The following ADAMTS17 variants were observed in gnomAD, a reference collection of about 807,000 sequenced individuals.
ADAMTS17 encodes the protein A disintegrin and metalloproteinase with thrombospondin motifs 17.
A neutral mutation model predicts 141.5 loss-of-function variants in ADAMTS17; 113 were observed. The ratio of observed to expected loss-of-function variants is 0.80; its 90% confidence interval spans 0.69 to 0.93. The LOEUF is 0.93. ADAMTS17 is among the 40% of genes least tolerant of loss of function. ADAMTS17 has a pLI of 0.00. For synonymous variants in ADAMTS17, 768 were observed against 630.6 expected, an observed-to-expected ratio of 1.22 and a Z score of -3.27; for missense variants, 1,659 against 1,517.9, an observed-to-expected ratio of 1.09 and a Z score of -1.54.
intron 7 of ADAMTS17, among the ~76,000 whole-genome samples, chr15:100,221,668 C>T (rs917849210): frequency 1.3e-5 from 2 of 152,178 alleles, no homozygotes; most frequent in Non-Finnish European, 2.9e-5. Context: ...CAAACTCCCA[C>T]GTCATTCTCA....
chr15:100,082,106 C>A (rs995006413), intron 15 of ADAMTS17, among the ~76,000 whole-genome samples: 19 of 152,164 alleles, frequency 1.2e-4, no homozygotes, highest in African/African-American at 4.1e-4. Flanking sequence ...GCTTCTGTTG[C>A]CCAGGCTGGA....
intron 3 of ADAMTS17, among the ~76,000 whole-genome samples, chr15:100,282,897 G>C (rs959289615): frequency 1.3e-5 from 2 of 152,086 alleles, no homozygotes; most frequent in East Asian, 3.9e-4. Context: ...TCATGATTTT[G>C]CAAAAATCTT....
At chr15:100,143,443 T>G (rs996875632) in intron 10 of ADAMTS17, among the ~76,000 whole-genome samples, 8 of 152,238 alleles carry the variant, frequency 5.3e-5, no homozygotes, top group Non-Finnish European at 1.2e-4. Flanking sequence ...TAAAGTTTAT[T>G]TCCCCTTTCT....
At chr15:100,032,158 C>T (rs1055621715) in intron 18 of ADAMTS17, among the ~76,000 whole-genome samples, 1 of 152,126 alleles carries the variant, frequency 6.6e-6, no homozygotes, top group Admixed American at 6.6e-5. Flanking sequence ...ACAGACGCAC[C>T]TCTCCTCCAT....
intron 7 of ADAMTS17, among the ~76,000 whole-genome samples, chr15:100,229,196 G>A (rs1435558968): frequency 6.6e-6 from 1 of 152,118 alleles, no homozygotes; most frequent in Non-Finnish European, 1.5e-5. Context: ...ACAGCTTTAA[G>A]TCCTGCACAA....
intron 3 of ADAMTS17, among the ~76,000 whole-genome samples, chr15:100,287,365 C>T (rs2044480333): frequency 6.6e-6 from 1 of 152,028 alleles, no homozygotes; most frequent in South Asian, 2.1e-4. Flanking sequence ...ATGAATAAAA[C>T]CTCAAGAAAT....
At chr15:100,285,956 C>T (rs2142099564) in intron 3 of ADAMTS17, among the ~76,000 whole-genome samples, 1 of 152,264 alleles carries the variant, frequency 6.6e-6, no homozygotes, top group Non-Finnish European at 1.5e-5. Context: ...ATGTGCCAGC[C>T]TCTCCTAGGG....
chr15:100,070,223 A>T (rs959350516), intron 15 of ADAMTS17, among the ~76,000 whole-genome samples: 6 of 148,820 alleles, frequency 4.0e-5, no homozygotes, highest in African/African-American at 1.5e-4. Context: ...CCAATACAGG[A>T]GCACCCAGAT....
intron 15 of ADAMTS17, chr15:100,063,622 G>A: frequency 7.8e-7 from 1 of 1,274,276 alleles, no homozygotes; most frequent in South Asian, 1.2e-5. Flanking sequence ...TTACCAGACT[G>A]ATCATCAAAA....
chr15:100,285,102 C>G (rs1350307590), intron 3 of ADAMTS17, among the ~76,000 whole-genome samples: 1 of 152,238 alleles, frequency 6.6e-6, no homozygotes, highest in African/African-American at 2.4e-5. Context: ...GGAGGTGGTA[C>G]TGACTTGGAA....
chr15:100,114,542 G>C (rs963455071), intron 13 of ADAMTS17, among the ~76,000 whole-genome samples: 9 of 152,168 alleles, frequency 5.9e-5, no homozygotes, highest in African/African-American at 1.9e-4. Context: ...TTCTACCCCA[G>C]AGCAGGACGT....
At chr15:100,069,375 T>C (rs2033801105) in intron 15 of ADAMTS17, among the ~76,000 whole-genome samples, 1 of 152,100 alleles carries the variant, frequency 6.6e-6, no homozygotes, top group South Asian at 2.1e-4. Flanking sequence ...AACACTCAAA[T>C]TCAGGAAATA....
At chr15:100,050,860 A>C (rs2141586127) in intron 17 of ADAMTS17, among the ~76,000 whole-genome samples, 1 of 152,268 alleles carries the variant, frequency 6.6e-6, no homozygotes, top group Non-Finnish European at 1.5e-5. Flanking sequence ...GACAAACAGC[A>C]CTGTACTAAG....
At chr15:99,977,401 A>ATATATATATATATAT (rs2060384375) in intron 20 of ADAMTS17, among the ~76,000 whole-genome samples, 1 of 5,154 alleles carries the variant, frequency 1.9e-4, no homozygotes, top group Non-Finnish European at 3.6e-4. Context: ...TATATATATA[A>ATATATATATATATAT]TTTTTTTTTT....
intron 8 of ADAMTS17, among the ~76,000 whole-genome samples, chr15:100,190,888 C>T (rs11639098): frequency 0.19 from 28,453 of 152,118 alleles, 2,873 homozygotes; most frequent in East Asian, 0.24. Flanking sequence ...GTTCTGTTCA[C>T]GTGTGGAAAG....
chr15:100,012,115 G>A (rs1199915543), intron 18 of ADAMTS17, among the ~76,000 whole-genome samples: 2 of 152,170 alleles, frequency 1.3e-5, no homozygotes, highest in Non-Finnish European at 2.9e-5. Context: ...TCGCATTGTG[G>A]TTTTGATTTG....
chr15:100,203,660 G>A (rs571827442), intron 7 of ADAMTS17, among the ~76,000 whole-genome samples: 22 of 152,240 alleles, frequency 1.4e-4, no homozygotes, highest in South Asian at 6.2e-4. Flanking sequence ...AGCCGAGATC[G>A]CGCCACTGCA....
intron 21 of ADAMTS17, 107 bp from the exon 22 acceptor site, chr15:99,974,669 C>T (rs542056339): frequency 3.5e-4 from 494 of 1,410,208 alleles, no homozygotes; most frequent in Non-Finnish European, 4.4e-4. Flanking sequence ...CCCTCACCCT[C>T]GTGCACACGT....
intron 10 of ADAMTS17, among the ~76,000 whole-genome samples, chr15:100,149,074 A>C (rs1026611105): frequency 6.6e-6 from 1 of 152,244 alleles, no homozygotes; most frequent in African/African-American, 2.4e-5. Flanking sequence ...GCAGGGAAGA[A>C]TTGAGGGATA....
Sources: allele counts gnomAD v4.1 joint callset (sites outside exome capture counted in the v4.1 genomes callset), GRCh38; gene constraint gnomAD v4.1.1; transcripts MANE v1.5; gene names NCBI Gene and HGNC (gene_info 2026-07-23, HGNC 2026-07-21).